Variants in PTPN13 observed in about 807,000 individuals in gnomAD.
PTPN13 encodes tyrosine-protein phosphatase non-receptor type 13.
PTPN13 carries 191 observed loss-of-function variants against 284.0 expected under a neutral mutation model. The observed-to-expected ratio is 0.67, with a 90% CI of 0.60 to 0.76. The LOEUF (loss-of-function observed/expected upper bound fraction) is 0.76. Among genes scored for constraint, PTPN13 ranks in the 30% least tolerant of loss-of-function variants. PTPN13 has a pLI of 0.00. For missense variants in PTPN13, 2,797 were observed against 2,939.9 expected (o/e 0.95, Z 1.12); for synonymous variants, 986 against 1,022.3 (o/e 0.96, Z 0.68).
At chr4:86,641,489 A>G (rs1318622278) in intron 2 of PTPN13, among the ~76,000 whole-genome samples, 1 of 152,164 alleles carries the variant, frequency 6.6e-6, no homozygotes, top group Non-Finnish European at 1.5e-5. Flanking sequence ...CTGTTTCTTC[A>G]TATTTTTGAG....
At chr4:86,794,106 T>C (rs901189765) in intron 40 of PTPN13, among the ~76,000 whole-genome samples, 4 of 151,982 alleles carry the variant, frequency 2.6e-5, no homozygotes, top group African/African-American at 9.7e-5. Flanking sequence ...TAGCAAAAAG[T>C]CAAATTGTCT....
chr4:86,621,394 T>TTATAAG (rs1721226930), intron 1 of PTPN13, among the ~76,000 whole-genome samples: 1 of 152,224 alleles, frequency 6.6e-6, no homozygotes, highest in South Asian at 2.1e-4. Flanking sequence ...ATAGCCGACT[T>TTATAAG]TCTTATAGAG....
intron 4 of PTPN13, 128 bp downstream of exon 4, chr4:86,686,903 G>A: frequency 1.5e-6 from 1 of 668,792 alleles, no homozygotes; most frequent in South Asian, 1.9e-5. Context: ...TTCCTATGGA[G>A]TTTGTTTACA....
chr4:86,638,923 C>T (rs1188444713), intron 2 of PTPN13, among the ~76,000 whole-genome samples: 3 of 152,116 alleles, frequency 2.0e-5, no homozygotes, highest in East Asian at 3.9e-4. Context: ...ATGTTCGCAA[C>T]CTACTCATCT....
chr4:86,701,814 G>A lies in PTPN13; in HGVS notation c.1195+13G>A. 2 of 1,561,460 alleles carry A rather than the reference G, an allele frequency of 1.3e-6. No homozygotes were observed. The highest frequency in any genetic ancestry group is 2.4e-5 in the South Asian group (2 of 83,356). ...ATGAATGTAGAAGGTTAGTAATTCT[G>A]TGCATGTTTGAGAAAGAATTGAAGT... is the stretch of plus-strand genomic sequence containing the variant. On this transcript the variant is annotated intron_variant, in intron 7 of 47. Coordinates refer to ENST00000411767, the MANE Select transcript of PTPN13 (RefSeq NM_080683.3).
chr4:86,679,954 G>T (rs1337125583), intron 3 of PTPN13, among the ~76,000 whole-genome samples: 3 of 152,146 alleles, frequency 2.0e-5, no homozygotes, highest in Admixed American at 6.5e-5. Flanking sequence ...GCTCTGGATT[G>T]AATTCTGGCT....
Position 86,775,457 on chromosome 4 carries a change from G to A in PTPN13, c.5696G>A (p.Gly1899Glu), listed in dbSNP as rs763847631. The A allele has an allele frequency of 5.0e-6, 8 of 1,606,218 alleles. No homozygotes were observed. In the South Asian group the frequency reaches 7.7e-5, roughly 15 times the overall value. The stretch of plus-strand genomic sequence containing the variant: ...TTATTTCAAGGTTTTTCCTTATGTG[G>A]AGGTCATGACAGCCTTTATCAAGTG... ...NKEELGFSLC[G>E]GHDSLYQVVY... The change falls in exon 35 of 48, where the codon GGA becomes GAA. Residue 1899 changes from glycine to glutamate, a missense_variant. Gly to Glu is a moderately conservative substitution (Grantham distance 98, BLOSUM62 -2). Transcript: ENST00000411767.
intron 2 of PTPN13, chr4:86,661,182 C>T (rs1452730073): frequency 2.4e-6 from 1 of 415,100 alleles, no homozygotes; most frequent in East Asian, 8.3e-5. Flanking sequence ...ACTGCTATGA[C>T]ATATCACACA....
At chr4:86,657,043 C>A (rs558097512) in intron 2 of PTPN13, among the ~76,000 whole-genome samples, 48 of 152,352 alleles carry the variant, frequency 3.2e-4, no homozygotes, top group African/African-American at 1.1e-3. Context: ...GATATTATCT[C>A]TTGGTGTGCC....
At chr4:86,740,547 T>A (rs1284301500) in intron 15 of PTPN13, among the ~76,000 whole-genome samples, 1 of 152,130 alleles carries the variant, frequency 6.6e-6, no homozygotes, top group Non-Finnish European at 1.5e-5. Context: ...TTTTTCCTCC[T>A]AAACCTCCAG....
At chr4:86,654,410 C>T (rs1258556407) in intron 2 of PTPN13, among the ~76,000 whole-genome samples, 2 of 152,180 alleles carry the variant, frequency 1.3e-5, no homozygotes, top group Non-Finnish European at 2.9e-5. Context: ...CTACACACTG[C>T]TGTAAATGTG....
Position 86,689,106 on chromosome 4 carries a change from T to C in PTPN13, c.462T>C (p.Ser154=). ...VSVRTVLDAC[S]AHIRNSNCAP... is the part of the protein sequence containing the mutation. ...TTCGGACTGTGCTGGATGCTTGCAG[T>C]GCCCACATTAGGAATAGCAATTGTG... Residue 154 remains serine (S), a synonymous_variant, in exon 5 of 48, where the codon AGT becomes AGC. Transcript: ENST00000411767. 6.2e-7 allele frequency: 1 copy of C among 1,612,248 alleles called. No individual in the cohort carries two copies.
chr4:86,811,780 T>A (rs1057298770), intron 47 of PTPN13, among the ~76,000 whole-genome samples: 9 of 152,194 alleles, frequency 5.9e-5, no homozygotes, highest in African/African-American at 1.9e-4. Flanking sequence ...TAAATTAACA[T>A]TTCTCTACCT....
At chr4:86,775,049 T>C in intron 33 of PTPN13, 122 bp from the exon 34 acceptor site, 1 of 651,334 alleles carries the variant, frequency 1.5e-6, no homozygotes, top group East Asian at 2.9e-5. Flanking sequence ...GAGATCACTG[T>C]TGTGAATCTC....
rs1412525975 is a variant in PTPN13, at chr4:86,701,239, A to G, written c.635-2A>G. The G allele has an allele frequency of 1.9e-6, 3 of 1,542,382 alleles. No individual in the cohort carries two copies. Among genetic ancestry groups the G allele is most frequent in the Non-Finnish European group, 2.6e-6 (3 of 1,146,824 alleles). On this transcript the variant is annotated splice_acceptor_variant, in intron 6 of 47. Coordinates refer to ENST00000411767, the MANE Select transcript of PTPN13 (RefSeq NM_080683.3). LOFTEE classifies it high-confidence loss of function. ...ATACATGATAGATTCTTATCATTCC[A>G]GGAAGAAGCTCTACTTCTGATGTAC...
chr4:86,758,030 A>G (rs574030906), intron 20 of PTPN13, among the ~76,000 whole-genome samples: 1 of 152,320 alleles, frequency 6.6e-6, no homozygotes, highest in East Asian at 1.9e-4. Context: ...ACTGAAATAT[A>G]CTTATTTCAA....
intron 1 of PTPN13, among the ~76,000 whole-genome samples, chr4:86,609,190 C>A (rs9993042): frequency 0.21 from 32,522 of 151,974 alleles, 3,718 homozygotes; most frequent in East Asian, 0.3. Context: ...TTTTTTCTTA[C>A]GAGTCATGTA....
At chr4:86,680,797 TAGAC>T in intron 3 of PTPN13, among the ~76,000 whole-genome samples, 1 of 152,202 alleles carries the variant, frequency 6.6e-6, no homozygotes, top group East Asian at 1.9e-4. Context: ...CAGTGATTAT[TAGAC>T]AGATCTTGTG....
chr4:86,761,153 TATATATATATATATATAA>T (rs976210539), intron 23 of PTPN13, among the ~76,000 whole-genome samples: 4 of 145,736 alleles, frequency 2.7e-5, no homozygotes, highest in African/African-American at 1.0e-4. Context: ...TATATATATA[TATATATATATATATATAA>T]ACACAACACA....
Sources: gnomAD v4.1 joint callset for allele counts (sites outside exome capture counted in the v4.1 genomes callset) on GRCh38, gnomAD v4.1.1 for gene constraint, MANE v1.5 for transcripts, NCBI Gene and HGNC (gene_info 2026-07-23, HGNC 2026-07-21) for gene names.